SPECC1: variants seen among roughly 807,000 people sequenced by gnomAD.
SPECC1 encodes the protein sperm antigen with calponin homology and coiled-coil domains 1.
In SPECC1, 62 loss-of-function variants were observed where a neutral mutation model predicts 104.1. The observed-to-expected ratio is 0.60, with a 90% CI of 0.49 to 0.74. The LOEUF is 0.74. Ranked by LOEUF, SPECC1 falls within the 30% of genes least tolerant of loss-of-function variation. The pLI, the probability that SPECC1 is intolerant of heterozygous loss-of-function variation, is 0.00. For missense variants in SPECC1, 1,306 were observed against 1,310.5 expected (o/e 1.00, Z 0.05); for synonymous variants, 513 against 501.6 (o/e 1.02, Z -0.30).
chr17:20,197,845 C>A (rs917406840), intron 3 of SPECC1, among the ~76,000 whole-genome samples: 13 of 152,174 alleles, frequency 8.5e-5, no homozygotes, highest in African/African-American at 2.4e-4. Flanking sequence ...AAAAGAAATT[C>A]ATAGCACAAA....
chr17:20,276,289 TA>T (rs2040574365), intron 12 of SPECC1, among the ~76,000 whole-genome samples: 1 of 152,086 alleles, frequency 6.6e-6, no homozygotes, highest in Admixed American at 6.5e-5. Context: ...GCTAATTCTT[TA>T]AAAAATTTTT....
At position 20,238,946 on chromosome 17, in the gene SPECC1, G is replaced by A. The variant is rs531893271; in HGVS notation, c.2351+6541G>A. 1,018 of 1,039,426 alleles carry A rather than the reference G, an allele frequency of 9.8e-4. 1 individual carries two copies. Among genetic ancestry groups the A allele is most frequent in the Non-Finnish European group, 1.1e-3 (961 of 862,980 alleles). 64.4% of individuals were successfully genotyped at this position (1,039,426 alleles called of 1,614,324 possible). ...TACGTTTCTGCAGGGCCTTTATGTC[G>A]TTTTGTTCTACATTTTTTTCTGAAT... On this transcript the variant is annotated intron_variant, in intron 7 of 14. Transcript: ENST00000395527.
intron 3 of SPECC1, among the ~76,000 whole-genome samples, chr17:20,123,126 T>C (rs2049117804): frequency 6.6e-6 from 1 of 152,182 alleles, no homozygotes; most frequent in African/African-American, 2.4e-5. Flanking sequence ...GGAGTGAACG[T>C]GGATCTCTTC....
At chr17:20,175,084 G>A (rs944061868) in intron 3 of SPECC1, among the ~76,000 whole-genome samples, 130 of 152,288 alleles carry the variant, frequency 8.5e-4, no homozygotes, top group Admixed American at 2.5e-3. Context: ...CTCAGTTTTG[G>A]CGGGAGAGCC....
At chr17:20,055,024 G>A (rs2152465269) in intron 1 of SPECC1, among the ~76,000 whole-genome samples, 1 of 152,310 alleles carries the variant, frequency 6.6e-6, no homozygotes, top group East Asian at 1.9e-4. Flanking sequence ...TTGTACAGCT[G>A]ATCTTGAGAG....
intron 14 of SPECC1, 80 bp downstream of exon 14, chr17:20,306,162 G>T (rs758793838): frequency 3.8e-6 from 5 of 1,319,752 alleles, no homozygotes; most frequent in Non-Finnish European, 5.4e-6. Flanking sequence ...ACAGTTTCTC[G>T]TAGAACATTG....
At chr17:20,307,447 G>A (rs1278212847) in intron 14 of SPECC1, among the ~76,000 whole-genome samples, 1 of 152,190 alleles carries the variant, frequency 6.6e-6, no homozygotes, top group Non-Finnish European at 1.5e-5. Context: ...GGAAGAAGGG[G>A]AAGAGAGAGA....
intron 1 of SPECC1, among the ~76,000 whole-genome samples, chr17:20,074,221 C>T (rs1215425893): frequency 3.3e-5 from 5 of 152,140 alleles, no homozygotes; most frequent in Admixed American, 1.3e-4. Context: ...TGTAGTGTGC[C>T]CTGTCGTCTG....
At chr17:20,248,170 C>G (rs1335449550) in intron 9 of SPECC1, among the ~76,000 whole-genome samples, 1 of 152,192 alleles carries the variant, frequency 6.6e-6, no homozygotes, top group Admixed American at 6.5e-5. Flanking sequence ...TGCCACAGAA[C>G]AGCGAATGCC....
chr17:20,271,964 A>G (rs919881929), intron 12 of SPECC1, among the ~76,000 whole-genome samples: 2 of 152,140 alleles, frequency 1.3e-5, no homozygotes, highest in African/African-American at 4.8e-5. Flanking sequence ...CCAGTGTTGC[A>G]GCAAGAAAAG....
intron 1 of SPECC1, among the ~76,000 whole-genome samples, chr17:20,080,400 A>G (rs2046921910): frequency 6.6e-6 from 1 of 152,112 alleles, no homozygotes; most frequent in African/African-American, 2.4e-5. Context: ...CAAGCGTGAG[A>G]TAAGCCAGCA....
intron 1 of SPECC1, among the ~76,000 whole-genome samples, chr17:20,035,624 A>T (rs911444105): frequency 2.0e-5 from 3 of 151,764 alleles, no homozygotes; most frequent in Non-Finnish European, 2.9e-5. Context: ...TTTTTTTTTT[A>T]AATAGAGATG....
chr17:20,222,014 C>T (rs2037906471), intron 4 of SPECC1, among the ~76,000 whole-genome samples: 1 of 134,192 alleles, frequency 7.5e-6, no homozygotes, highest in Admixed American at 7.7e-5. Context: ...GATATGATTT[C>T]AGTTTTTTTT....
chr17:20,300,759 C>A (rs1219390155), intron 13 of SPECC1, among the ~76,000 whole-genome samples: 1 of 152,226 alleles, frequency 6.6e-6, no homozygotes, highest in Non-Finnish European at 1.5e-5. Context: ...ATGGTATAGG[C>A]CCCTGCTCCC....
intron 3 of SPECC1, among the ~76,000 whole-genome samples, chr17:20,192,161 G>A (rs1248159625): frequency 1.3e-5 from 2 of 151,680 alleles, no homozygotes; most frequent in Non-Finnish European, 2.9e-5. Flanking sequence ...TTGAGACAGG[G>A]GTCTCAAGGC....
At position 20,227,442 on chromosome 17, in the gene SPECC1, G is replaced by A. The variant is rs758749681; in HGVS notation, c.1893G>A (p.Glu631=). Residue 631 remains glutamate, a synonymous_variant, in exon 5 of 15, where the codon GAG becomes GAA. Transcript: ENST00000395527. ...KVEKDYSYLK[E]ICDHQAEQLS... ...AAAAGGATTATTCATACCTGAAGGAGATATGTGATCACCAAGCCGAACAGC... is the reference window on the plus strand; with the variant it reads ...AAAAGGATTATTCATACCTGAAGGAAATATGTGATCACCAAGCCGAACAGC... The A allele has an allele frequency of 1.8e-5, 29 of 1,612,894 alleles. No individual in the cohort carries two copies. The highest frequency in any genetic ancestry group is 2.4e-5 in the Non-Finnish European group (28 of 1,179,714).
chr17:20,243,652 C>T (rs2039299379), intron 7 of SPECC1, among the ~76,000 whole-genome samples: 1 of 152,144 alleles, frequency 6.6e-6, no homozygotes, highest in Non-Finnish European at 1.5e-5. Context: ...CATACTGACT[C>T]TTATTGTTCT....
intron 4 of SPECC1, among the ~76,000 whole-genome samples, chr17:20,222,321 G>A (rs1001436376): frequency 6.6e-6 from 1 of 152,022 alleles, no homozygotes; most frequent in Non-Finnish European, 1.5e-5. Flanking sequence ...GAGACAGAGC[G>A]AGATTGTGTC....
chr17:20,246,805 C>T (rs1239199366), intron 8 of SPECC1, among the ~76,000 whole-genome samples: 9 of 152,146 alleles, frequency 5.9e-5, no homozygotes, highest in African/African-American at 1.9e-4. Flanking sequence ...AAAAGTTAAT[C>T]CTAGGATGTA....
Sources: allele counts gnomAD v4.1 joint callset (sites outside exome capture counted in the v4.1 genomes callset), GRCh38; gene constraint gnomAD v4.1.1; transcripts MANE v1.5; gene names NCBI Gene and HGNC (gene_info 2026-07-23, HGNC 2026-07-21).